ANXA7: variants seen among roughly 807,000 people sequenced by gnomAD.
The protein encoded by ANXA7 is annexin A7, also known as annexin VII.
ANXA7 carries 55 observed loss-of-function variants against 64.9 expected under a neutral mutation model. That is an observed-to-expected ratio of 0.85 (90% CI 0.68 to 1.06). The LOEUF is 1.06. Ranked by LOEUF, ANXA7 falls within the 50% of genes least tolerant of loss-of-function variation. The probability of loss-of-function intolerance (pLI) is 0.00; values close to 1 mark genes in which losing one functional copy is unlikely to be tolerated. For missense variants in ANXA7, 548 were observed against 582.1 expected, an observed-to-expected ratio of 0.94 and a Z score of 0.60; for synonymous variants, 200 against 192.4, an observed-to-expected ratio of 1.04 and a Z score of -0.33.
At chr10:73,395,902 T>C (rs749284661) in intron 5 of ANXA7, 10 of 715,454 alleles carry the variant, frequency 1.4e-5, no homozygotes, top group Non-Finnish European at 2.3e-5. Flanking sequence ...TCTAAAGCCC[T>C]ACCTATTATT....
chr10:73,413,912 CGCGCCCCACTAGCACCGGGACAGCA>C (rs1331944007), intron 1 of ANXA7, 75 bp downstream of exon 1: 1 of 153,164 alleles, frequency 6.5e-6, no homozygotes, highest in Non-Finnish European at 1.5e-5. Context: ...GCCCTCCAGC[CGCGCCCCACTAGCACCGGGACAGCA>C]GCGCCCAGAG....
intron 7 of ANXA7, among the ~76,000 whole-genome samples, chr10:73,386,137 C>G (rs2055365627): frequency 6.6e-6 from 1 of 150,894 alleles, no homozygotes; most frequent in Non-Finnish European, 1.5e-5. Context: ...TCGCTCTTGC[C>G]TGGAAAGTGG....
intron 7 of ANXA7, 137 bp downstream of exon 7, chr10:73,387,552 A>G (rs1470884547): frequency 2.9e-6 from 2 of 693,760 alleles, no homozygotes; most frequent in African/African-American, 1.8e-5. Context: ...TAGGGAATAC[A>G]GTACCCTTGA....
intron 9 of ANXA7, 149 bp downstream of exon 9, chr10:73,383,026 A>G (rs1034900465): frequency 6.3e-6 from 4 of 632,386 alleles, no homozygotes; most frequent in African/African-American, 1.9e-5. Flanking sequence ...CTACAAAGAA[A>G]TCTGTACACT....
intron 1 of ANXA7, among the ~76,000 whole-genome samples, chr10:73,405,507 C>G (rs1269155999): frequency 6.6e-6 from 1 of 152,178 alleles, no homozygotes; most frequent in Non-Finnish European, 1.5e-5. Context: ...CCACTGCACT[C>G]CAGCCTGGGT....
In ANXA7 at chr10:73,401,660, C is replaced by T. The variant is rs141449476; in HGVS notation, c.-1-803G>A. On this transcript the variant is annotated intron_variant, in intron 1 of 12. Coordinates refer to ENST00000372921, the MANE Select transcript of ANXA7 (RefSeq NM_001156.5). Reference sequence around the variant, plus strand: ...GATTACAGGCGTCTGCCACCATGCTCGGCTAATTTTTTGTTATTTTTAGTA... The same window carrying T: ...GATTACAGGCGTCTGCCACCATGCTTGGCTAATTTTTTGTTATTTTTAGTA... Among the ~76,000 whole-genome samples, 66 of 152,242 alleles carry T rather than the reference C, an allele frequency of 4.3e-4. 2 individuals carry two copies. The East Asian group carries it at 0.012, about 27-fold the overall frequency.
At chr10:73,413,909 AGCCGC>A (rs2055882555) in intron 1 of ANXA7, 98 bp downstream of exon 1, 1 of 153,070 alleles carries the variant, frequency 6.5e-6, no homozygotes, top group African/African-American at 2.4e-5. Flanking sequence ...ACTGCCCTCC[AGCCGC>A]GCCCCACTAG....
In ANXA7 at chr10:73,378,704, T is replaced by C. The variant is rs183547152; in HGVS notation, c.1278+207A>G. Among the ~76,000 whole-genome samples the C allele has an allele frequency of 3.6e-4, 55 of 152,304 alleles. 1 individual carries two copies. Among genetic ancestry groups the C allele is most frequent in the African/African-American group, 1.2e-3 (50 of 41,578 alleles). ...TAAAATCTGTTAGTATTATCTTCATTAGGGTAGAGTGGCCTATTTCACTAA... is the reference window on the plus strand; with the variant it reads ...TAAAATCTGTTAGTATTATCTTCATCAGGGTAGAGTGGCCTATTTCACTAA... On this transcript the variant is annotated intron_variant, in intron 12 of 12. Coordinates refer to ENST00000372921, the MANE Select transcript of ANXA7 (RefSeq NM_001156.5).
intron 1 of ANXA7, among the ~76,000 whole-genome samples, chr10:73,405,403 G>A (rs1004589763): frequency 1.4e-4 from 21 of 151,858 alleles, no homozygotes; most frequent in Non-Finnish European, 2.6e-4. Flanking sequence ...TTAGCCAGGC[G>A]TGGTGGCATG....
intron 1 of ANXA7, among the ~76,000 whole-genome samples, chr10:73,412,519 A>G (rs930058591): frequency 2.0e-5 from 3 of 146,490 alleles, no homozygotes; most frequent in Non-Finnish European, 4.5e-5. Flanking sequence ...TTTTTGTGAC[A>G]GAGTTTCTCT....
At chr10:73,413,696 G>A (rs1011296324) in intron 1 of ANXA7, among the ~76,000 whole-genome samples, 5 of 152,172 alleles carry the variant, frequency 3.3e-5, no homozygotes, top group Non-Finnish European at 5.9e-5. Context: ...TCAGCCTCCC[G>A]CGAGGCAGCT....
intron 1 of ANXA7, among the ~76,000 whole-genome samples, chr10:73,405,961 T>C (rs1158056332): frequency 8.0e-6 from 1 of 124,456 alleles, no homozygotes; most frequent in Non-Finnish European, 1.7e-5. Flanking sequence ...TTTTCTCTTC[T>C]TTTTTTTTTT....
chr10:73,409,065 T>C (rs1290287483), intron 1 of ANXA7, among the ~76,000 whole-genome samples: 1 of 152,174 alleles, frequency 6.6e-6, no homozygotes, highest in Non-Finnish European at 1.5e-5. Context: ...AACATCATAC[T>C]GAATGGGGAA....
intron 1 of ANXA7, among the ~76,000 whole-genome samples, chr10:73,405,957 C>CT (rs1327065869): frequency 1.2e-4 from 18 of 146,056 alleles, no homozygotes; most frequent in African/African-American, 4.8e-4. Flanking sequence ...GTATTTTTCT[C>CT]TTCTTTTTTT....
chr10:73,409,895 AC>A (rs369619222), intron 1 of ANXA7, among the ~76,000 whole-genome samples: 4 of 152,302 alleles, frequency 2.6e-5, no homozygotes, highest in African/African-American at 7.2e-5. Context: ...GACAAAGCAC[AC>A]AAAAACAAAA....
chr10:73,388,657 T>C (rs1177894600), intron 5 of ANXA7, among the ~76,000 whole-genome samples: 3 of 152,198 alleles, frequency 2.0e-5, no homozygotes, highest in Non-Finnish European at 2.9e-5. Context: ...GGAGACAAGA[T>C]GGCCAAACTT....
intron 7 of ANXA7, among the ~76,000 whole-genome samples, chr10:73,385,979 C>T (rs2055363313): frequency 6.6e-6 from 1 of 151,968 alleles, no homozygotes; most frequent in Non-Finnish European, 1.5e-5. Context: ...TTTGGGAGGC[C>T]AAGGCAGGCA....
chr10:73,376,222 A>G lies in ANXA7; in HGVS notation c.1279-5T>C, dbSNP rs1381366069. 1 of 1,548,742 alleles carries G rather than the reference A, an allele frequency of 6.5e-7. No individual in the cohort carries two copies. Among genetic ancestry groups the G allele is most frequent in the Non-Finnish European group, 8.7e-7 (1 of 1,154,448 alleles). On this transcript the variant is annotated splice_region_variant and splice_polypyrimidine_tract_variant and intron_variant, in intron 12 of 12. Coordinates refer to ENST00000372921, the MANE Select transcript of ANXA7 (RefSeq NM_001156.5). ...TTTTATTTGTACAAGGTCAATCTGC[A>G]TAAGAAATAATATTTCTGTCAGAAA...
intron 2 of ANXA7, among the ~76,000 whole-genome samples, chr10:73,399,449 T>C (rs2055624989): frequency 6.6e-6 from 1 of 152,210 alleles, no homozygotes; most frequent in African/African-American, 2.4e-5. Context: ...TGCATAAGGA[T>C]ACATATTATC....
Sources: gnomAD v4.1 joint callset for allele counts (sites outside exome capture counted in the v4.1 genomes callset) on GRCh38, gnomAD v4.1.1 for gene constraint, MANE v1.5 for transcripts, NCBI Gene and HGNC (gene_info 2026-07-23, HGNC 2026-07-21) for gene names.